The following CCDC33 variants were observed in gnomAD, a reference collection of about 807,000 sequenced individuals.
The protein encoded by CCDC33 is coiled-coil domain-containing protein 33.
In CCDC33, 94 loss-of-function variants were observed where a neutral mutation model predicts 91.9. The observed-to-expected ratio is 1.02, with a 90% CI of 0.87 to 1.21. CCDC33 has a LOEUF of 1.21. Among genes scored for constraint, CCDC33 ranks in the 50% most tolerant of loss-of-function variants. The pLI is 0.00. For synonymous variants in CCDC33, 396 were observed against 374.5 expected (o/e 1.06, Z -0.66); for missense variants, 940 against 935.5 (o/e 1.00, Z -0.06).
chr15:74,272,858 C>A lies in CCDC33; in HGVS notation c.726C>A (p.Asp242Glu), dbSNP rs763314453. The A allele has an allele frequency of 4.3e-6, 7 of 1,614,242 alleles. No homozygotes were observed. Among genetic ancestry groups the A allele is most frequent in the Non-Finnish European group, 5.9e-6 (7 of 1,180,040 alleles). ...SFPIPSMMNFDVPRVSQNGCP... is the reference protein window; with the variant it reads ...SFPIPSMMNFEVPRVSQNGCP... ...CTATCCCGTCCATGATGAACTTTGA[C>A]GTGCCTCGCGTCAGCCAGAACGGAT... The change falls in exon 7 of 19, where the codon GAC becomes GAA. Residue 242 changes from aspartate (D) to glutamate (E), a missense_variant. Asp to Glu is a conservative substitution (Grantham distance 45). Coordinates refer to ENST00000398814, the MANE Select transcript of CCDC33 (RefSeq NM_025055.5).
intron 2 of CCDC33, among the ~76,000 whole-genome samples, chr15:74,245,620 C>G (rs893223875): frequency 1.8e-4 from 27 of 152,190 alleles, no homozygotes; most frequent in Non-Finnish European, 1.5e-5. Flanking sequence ...CACCGCGACC[C>G]GCGCCATCAC....
intron 1 of CCDC33, among the ~76,000 whole-genome samples, chr15:74,241,088 C>T (rs1289427580): frequency 1.3e-5 from 2 of 152,186 alleles, no homozygotes; most frequent in Non-Finnish European, 2.9e-5. Flanking sequence ...CAGGCAGGGG[C>T]ATCTTCCCCT....
rs527513117 is a variant in CCDC33 at position 74,218,284 on chromosome 15, G to C, written c.311-213G>C. On this transcript the variant is annotated intron_variant, in intron 1 of 2. Coordinates refer to the CCDC33 transcript ENST00000635913. The surrounding 1 kb of genome is among the most constrained non-coding windows in gnomAD (Gnocchi z 4.8). ...AGCCCTCCCTTCCTCACCCCTGCCC[G>C]GTGGGCTTGGATTGGGCATCAGCAA... 7.2e-5 allele frequency among the ~76,000 whole-genome samples: 11 copies of C among 152,276 alleles called. No homozygotes were observed. In the East Asian group the frequency reaches 2.1e-3, roughly 29 times the overall value.
At chr15:74,256,330 T>A (rs1053850198) in intron 2 of CCDC33, among the ~76,000 whole-genome samples, 1 of 152,126 alleles carries the variant, frequency 6.6e-6, no homozygotes, top group African/African-American at 2.4e-5. Context: ...ATGACAGGAA[T>A]CAGAAGAGTC....
chr15:74,275,178 A>G (rs1466757461), intron 7 of CCDC33, among the ~76,000 whole-genome samples: 1 of 152,154 alleles, frequency 6.6e-6, no homozygotes, highest in East Asian at 1.9e-4. Flanking sequence ...TTTCTCACCA[A>G]CTGTCACTGT....
chr15:74,295,700 A>C (rs1212539584), intron 10 of CCDC33, 54 bp from the exon 11 acceptor site: 3 of 1,468,976 alleles, frequency 2.0e-6, no homozygotes, highest in Non-Finnish European at 2.8e-6. Context: ...CTTATGGTAG[A>C]TGGGCACAGA....
chr15:74,280,925 AC>A, intron 9 of CCDC33, 124 bp downstream of exon 9: 2 of 1,005,588 alleles, frequency 2.0e-6, no homozygotes, highest in Non-Finnish European at 2.6e-6. Flanking sequence ...CTGTCAAGGC[AC>A]CCACCAGGGA....
Position 74,230,347 on chromosome 15 carries a change from G to A in CCDC33, c.675+11486G>A, listed in dbSNP as rs573829441. Among the ~76,000 whole-genome samples the A allele has an allele frequency of 2.3e-3, 355 of 152,294 alleles. 1 individual carries two copies. The highest frequency in any genetic ancestry group is 8.1e-3 in the African/African-American group (338 of 41,558). ...TGAGTAGACCCCCCACCCAACCTTG[G>A]CAGAGCACTGCTTCTGCCCCTCCTG... On this transcript the variant is annotated intron_variant, in intron 2 of 2. Transcript: ENST00000635913.
At chr15:74,203,303 G>A (rs534098155) in intron 1 of CCDC33, 2 of 706,346 alleles carry the variant, frequency 2.8e-6, no homozygotes, top group South Asian at 6.4e-5. Context: ...CCACGGGTAG[G>A]CAAGAGGAGC....
intron 2 of CCDC33, among the ~76,000 whole-genome samples, chr15:74,249,700 G>A (rs547487070): frequency 1.3e-5 from 2 of 152,192 alleles, no homozygotes; most frequent in East Asian, 3.9e-4. Context: ...GTGCACTAGG[G>A]GTAAATTGCT....
rs374079348 is a variant in CCDC33, at chr15:74,262,597, G to A, written c.319+24G>A. On this transcript the variant is annotated intron_variant, in intron 3 of 18. Coordinates refer to ENST00000398814, the MANE Select transcript of CCDC33 (RefSeq NM_025055.5). ...AGGTAAGCAGGGGCTGGGCAGGGCC[G>A]GCATGTGCAGGCAGGGTGTGAACAC... The A allele has an allele frequency of 2.6e-5, 42 of 1,601,178 alleles. No homozygotes were observed. In the African/African-American group the frequency reaches 3.2e-4, roughly 12 times the overall value.
chr15:74,290,025 C>T (rs1222400715), intron 10 of CCDC33, among the ~76,000 whole-genome samples: 4 of 152,044 alleles, frequency 2.6e-5, no homozygotes, highest in African/African-American at 9.7e-5. Context: ...AGCTTCTAGA[C>T]AAAACTTCTC....
intron 3 of CCDC33, 39 bp downstream of exon 3, chr15:74,262,612 G>A: frequency 6.3e-7 from 1 of 1,591,256 alleles, no homozygotes; most frequent in Non-Finnish European, 8.6e-7. Context: ...GTGCAGGCAG[G>A]GTGTGAACAC....
At chr15:74,225,175 G>T (rs1409619303) in intron 2 of CCDC33, among the ~76,000 whole-genome samples, 1 of 150,022 alleles carries the variant, frequency 6.7e-6, no homozygotes. Context: ...TGATGTGGGG[G>T]GAGATGGAGA....
intron 2 of CCDC33, among the ~76,000 whole-genome samples, chr15:74,228,179 C>T (rs2074859310): frequency 6.6e-6 from 1 of 152,148 alleles, no homozygotes; most frequent in South Asian, 2.1e-4. Flanking sequence ...GCTGGACCCA[C>T]CTTGTGGAGG....
chr15:74,208,721 C>T lies in CCDC33; in HGVS notation n.90-667C>T, dbSNP rs371066880. On this transcript the variant is annotated intron_variant and non_coding_transcript_variant, in intron 1 of 3. Coordinates refer to the CCDC33 transcript ENST00000558645. ...GCTCTGACTCCTGCTCACTTCCCAC[C>T]GCACACCCCATGTGCCTTCTCGCTG... 5.3e-3 allele frequency: 5,258 copies of T among 987,600 alleles called. 20 individuals are homozygous for T. Among genetic ancestry groups the T allele is most frequent in the Non-Finnish European group, 5.9e-3 (4,899 of 831,002 alleles). 61.2% of individuals were successfully genotyped at this position (987,600 alleles called of 1,614,324 possible). A position where few individuals can be genotyped will look rare whatever the true frequency, so the allele number is the denominator to read the frequency against.
At chr15:74,250,258 C>T (rs1566969587) in intron 2 of CCDC33, among the ~76,000 whole-genome samples, 2 of 152,134 alleles carry the variant, frequency 1.3e-5, no homozygotes, top group African/African-American at 4.8e-5. Flanking sequence ...TACTGTGGTG[C>T]CATAGTACCA....
At chr15:74,208,158 G>A in intron 1 of CCDC33, 1 of 767,924 alleles carries the variant, frequency 1.3e-6, no homozygotes. Flanking sequence ...CCCTCCCAGA[G>A]GGCTAGGCTA....
intron 2 of CCDC33, among the ~76,000 whole-genome samples, chr15:74,211,535 G>A (rs1258944619): frequency 6.6e-6 from 1 of 151,798 alleles, no homozygotes; most frequent in Non-Finnish European, 1.5e-5. Flanking sequence ...CGAGTAGCTC[G>A]GATTACAGGC....
Sources: gnomAD v4.1 joint callset for allele counts (sites outside exome capture counted in the v4.1 genomes callset) on GRCh38, gnomAD v4.1.1 for gene constraint, Gnocchi (gnomAD v3.1) non-coding constraint, MANE v1.5 for transcripts, NCBI Gene and HGNC (gene_info 2026-07-23, HGNC 2026-07-21) for gene names.